GLIS3: variants seen among roughly 807,000 people sequenced by gnomAD.
The protein encoded by GLIS3 is GLIS family zinc finger 3.
A neutral mutation model predicts 78.6 loss-of-function variants in GLIS3; 53 were observed. That is an observed-to-expected ratio of 0.67 (90% CI 0.54 to 0.85). The LOEUF (loss-of-function observed/expected upper bound fraction) is 0.85, where lower values mean the gene tolerates loss of function less well. Among genes scored for constraint, GLIS3 ranks in the 40% least tolerant of loss-of-function variants. The pLI, the probability that GLIS3 is intolerant of heterozygous loss-of-function variation, is 0.00. For synonymous variants in GLIS3, 684 were observed against 509.9 expected, an observed-to-expected ratio of 1.34 and a Z score of -4.60; for missense variants, 1,703 against 1,231.1, an observed-to-expected ratio of 1.38 and a Z score of -5.74.
the GLIS3 span, among the ~76,000 whole-genome samples, chr9:4,405,882 G>C: frequency 6.6e-6 from 1 of 152,182 alleles, no homozygotes; most frequent in South Asian, 2.1e-4. Flanking sequence ...TGATCAAATG[G>C]GATTTATCCC....
intron 2 of GLIS3, among the ~76,000 whole-genome samples, chr9:4,242,185 A>T (rs1181377068): frequency 1.3e-5 from 2 of 152,252 alleles, no homozygotes; most frequent in South Asian, 4.1e-4. Flanking sequence ...GGACCCCATG[A>T]AACAGCTCCC....
At chr9:4,068,755 G>C (rs1375014832) in intron 4 of GLIS3, among the ~76,000 whole-genome samples, 1 of 151,984 alleles carries the variant, frequency 6.6e-6, no homozygotes, top group Non-Finnish European at 1.5e-5. Flanking sequence ...CCTCGAAAAA[G>C]AGCACTGTCA....
chr9:4,150,701 C>A (rs1834611085), intron 2 of GLIS3, among the ~76,000 whole-genome samples: 1 of 152,148 alleles, frequency 6.6e-6, no homozygotes, highest in East Asian at 1.9e-4. Context: ...GCTTTGAATT[C>A]ATAGATTTAG....
In GLIS3 at chr9:4,175,938, GC is replaced by G. The variant is rs1816780480; in HGVS notation, c.389-49998del. ...AGTCTCCCAGATAGGAGATGACATA[GC>G]CAGAATTGAAATCCAGGGCTTCTCC... On this transcript the variant is annotated intron_variant, in intron 2 of 10. Transcript: ENST00000381971. Among the ~76,000 whole-genome samples, 3 of 152,286 alleles carry G rather than the reference GC, an allele frequency of 2.0e-5. No individual in the cohort carries two copies. The South Asian group carries it at 6.2e-4, about 32-fold the overall frequency.
chr9:4,378,053 A>G, the GLIS3 span, among the ~76,000 whole-genome samples: 1 of 152,214 alleles, frequency 6.6e-6, no homozygotes, highest in East Asian at 1.9e-4. Flanking sequence ...GGTATACCAC[A>G]GAACCATTAA....
At chr9:3,980,635 G>A (rs1169387272) in intron 4 of GLIS3, among the ~76,000 whole-genome samples, 1 of 152,200 alleles carries the variant, frequency 6.6e-6, no homozygotes, top group Non-Finnish European at 1.5e-5. Flanking sequence ...TGTTCAGAGT[G>A]ATAATGTTTT....
At chr9:4,451,264 G>T in the GLIS3 span, among the ~76,000 whole-genome samples, 1 of 152,128 alleles carries the variant, frequency 6.6e-6, no homozygotes, top group South Asian at 2.1e-4. Context: ...GCCACTACAT[G>T]ATGGTAAAGG....
chr9:4,364,898 C>T, the GLIS3 span, among the ~76,000 whole-genome samples: 6 of 151,864 alleles, frequency 4.0e-5, no homozygotes, highest in African/African-American at 1.5e-4. Flanking sequence ...ATCCTCTTGC[C>T]TCAGCCTCCC....
intron 2 of GLIS3, among the ~76,000 whole-genome samples, chr9:4,324,904 G>C (rs867369411): frequency 2.0e-5 from 3 of 152,134 alleles, no homozygotes; most frequent in Non-Finnish European, 2.9e-5. Flanking sequence ...ACAACCTTAG[G>C]TAGTATCTTT....
chr9:4,179,712 C>A (rs1817129119), intron 2 of GLIS3, among the ~76,000 whole-genome samples: 1 of 152,080 alleles, frequency 6.6e-6, no homozygotes, highest in South Asian at 2.1e-4. Flanking sequence ...GAGTTCGAGA[C>A]CAGCCTGGCC....
At chr9:4,355,368 G>C in the GLIS3 span, among the ~76,000 whole-genome samples, 1 of 152,098 alleles carries the variant, frequency 6.6e-6, no homozygotes, top group African/African-American at 2.4e-5. Flanking sequence ...TGCATATAGA[G>C]GGGTAAGCAC....
At chr9:4,274,793 G>A (rs1214641081) in intron 2 of GLIS3, among the ~76,000 whole-genome samples, 1 of 152,136 alleles carries the variant, frequency 6.6e-6, no homozygotes, top group Non-Finnish European at 1.5e-5. Flanking sequence ...AATCACCTGG[G>A]AATATTGTTA....
intron 4 of GLIS3, among the ~76,000 whole-genome samples, chr9:4,080,878 A>G (rs1231289070): frequency 6.6e-6 from 1 of 152,218 alleles, no homozygotes; most frequent in African/African-American, 2.4e-5. Context: ...CCCCGGGCGT[A>G]CATCGTACAA....
intron 2 of GLIS3, among the ~76,000 whole-genome samples, chr9:4,196,601 T>G (rs1818874438): frequency 6.6e-6 from 1 of 151,678 alleles, no homozygotes; most frequent in African/African-American, 2.4e-5. Flanking sequence ...GCTGTAACAC[T>G]CACCGCAAAG....
At chr9:3,951,881 C>CACACACAA (rs1261035632) in intron 4 of GLIS3, among the ~76,000 whole-genome samples, 2 of 150,498 alleles carry the variant, frequency 1.3e-5, no homozygotes, top group African/African-American at 4.9e-5. Context: ...CACACACACA[C>CACACACAA]ACACGCACGC....
intron 7 of GLIS3, among the ~76,000 whole-genome samples, chr9:3,879,836 C>T (rs1821610603): frequency 6.6e-6 from 1 of 152,134 alleles, no homozygotes; most frequent in African/African-American, 2.4e-5. Flanking sequence ...CTCCTAAGTG[C>T]TGCCATGCCC....
chr9:3,937,981 T>A lies in GLIS3; in HGVS notation c.1711-792A>T, dbSNP rs1588270305. Among the ~76,000 whole-genome samples the A allele has an allele frequency of 3.9e-5, 6 of 152,348 alleles. 1 individual carries two copies. The South Asian group carries it at 1.2e-3, about 32-fold the overall frequency. On this transcript the variant is annotated intron_variant, in intron 4 of 10. Transcript: ENST00000381971. ...GTGTCACTGGTTTGTCAATAATATTTATTGACAGTAACATTTACTCAATGT... is the reference window on the plus strand; with the variant it reads ...GTGTCACTGGTTTGTCAATAATATTAATTGACAGTAACATTTACTCAATGT...
chr9:4,206,188 C>T (rs563164963), intron 2 of GLIS3, among the ~76,000 whole-genome samples: 50 of 152,218 alleles, frequency 3.3e-4, no homozygotes, highest in African/African-American at 1.1e-3. Context: ...GAAAGGGAAT[C>T]TTAATAGTGA....
the GLIS3 span, among the ~76,000 whole-genome samples, chr9:4,454,736 G>T: frequency 6.6e-6 from 1 of 152,154 alleles, no homozygotes; most frequent in Non-Finnish European, 1.5e-5. Context: ...TGTGTTCCAG[G>T]TCGGGACAGT....
Sources: gnomAD v4.1 joint callset for allele counts (sites outside exome capture counted in the v4.1 genomes callset) on GRCh38, gnomAD v4.1.1 for gene constraint, MANE v1.5 for transcripts, NCBI Gene and HGNC (gene_info 2026-07-23, HGNC 2026-07-21) for gene names.